The following STK11 variants were observed in gnomAD, a reference collection of about 807,000 sequenced individuals.
The protein encoded by STK11 is serine/threonine kinase 11.
A neutral mutation model predicts 47.3 loss-of-function variants in STK11; 8 were observed. The ratio of observed to expected loss-of-function variants is 0.17; its 90% CI spans 0.10 to 0.31. The LOEUF (loss-of-function observed/expected upper bound fraction) is 0.31, where lower values mean the gene tolerates loss of function less well. Among genes scored for constraint, STK11 ranks in the 10% least tolerant of loss-of-function variants. The pLI, the probability that STK11 is intolerant of heterozygous loss-of-function variation, is 1.00. For synonymous variants in STK11, 330 were observed against 255.8 expected (o/e 1.29, Z -2.77); for missense variants, 475 against 605.0 (o/e 0.79, Z 2.25).
At chr19:1,227,546 G>C (rs1173723016) in intron 9 of STK11, 47 bp from the exon 10 acceptor site, 1 of 1,062,520 alleles carries the variant, frequency 9.4e-7, no homozygotes. Flanking sequence ...GGGAGGCGGA[G>C]AACCGGTGCC....
In STK11 at chr19:1,212,401, A is replaced by G. The variant is rs570046015; in HGVS notation, c.290+5198A>G. On this transcript the variant is annotated intron_variant, in intron 1 of 9. Transcript: ENST00000326873. ...CTGCCCCCAAGGTAGCTGGGACTGC[A>G]GATGTGCACCACCACACCCGACTAG... Among the ~76,000 whole-genome samples, 134 of 148,142 alleles carry G rather than the reference A, an allele frequency of 9.0e-4. No homozygotes were observed. In the Middle Eastern group the frequency reaches 0.028, roughly 31 times the overall value.
At chr19:1,218,551 C>T (rs1599924704) in intron 2 of STK11, 51 bp downstream of exon 2, 2 of 1,530,638 alleles carry the variant, frequency 1.3e-6, no homozygotes, top group Non-Finnish European at 1.8e-6. Flanking sequence ...GGGGCTGGGG[C>T]CCTGGGTCCG....
In STK11 at chr19:1,226,658, C is replaced by T. The variant is rs553039153; in HGVS notation, c.*11C>T. Reference sequence around the variant, plus strand: ...TGCAAGCAGCAGTGAGGCTGGCCGCCTGCAGGTGGGGCGCGGCGGGGCCCG... The same window carrying T: ...TGCAAGCAGCAGTGAGGCTGGCCGCTTGCAGGTGGGGCGCGGCGGGGCCCG... On this transcript the variant is annotated 3_prime_UTR_variant, in exon 9 of 10. Transcript: ENST00000326873. The T allele has an allele frequency of 2.6e-5, 40 of 1,510,862 alleles. No homozygotes were observed. In the South Asian group the frequency reaches 4.4e-4, roughly 17 times the overall value. The allele number at this position is 1,510,862 out of a possible 1,614,324, so 93.6% of individuals were successfully genotyped here.
intron 1 of STK11, among the ~76,000 whole-genome samples, chr19:1,213,033 G>C (rs1185088617): frequency 8.6e-6 from 1 of 115,804 alleles, no homozygotes. Flanking sequence ...GTCTCGCTCT[G>C]TCACCCAGGC....
rs768711569 is a variant in STK11, at chr19:1,227,416, CCACA to C, written c.*17-174_*17-171del. The C allele has an allele frequency of 5.8e-4, 334 of 577,650 alleles. 1 individual carries two copies. The Middle Eastern group carries it at 7.2e-3, about 12-fold the overall frequency. 35.8% of individuals were successfully genotyped at this position (577,650 alleles called of 1,614,324 possible). ...GCCCGCCAGGCCCCACTGCAAAAGGCCACACAATGTACCCCGGGAGTGACTCAAG... is the reference window on the plus strand; with the variant it reads ...GCCCGCCAGGCCCCACTGCAAAAGGCCAATGTACCCCGGGAGTGACTCAAG... On this transcript the variant is annotated intron_variant, in intron 9 of 9. Coordinates refer to ENST00000326873, the MANE Select transcript of STK11 (RefSeq NM_000455.5).
intron 8 of STK11, chr19:1,224,929 C>G (rs868242236): frequency 3.0e-6 from 3 of 985,488 alleles, no homozygotes; most frequent in Non-Finnish European, 3.6e-6. Context: ...TGCAGAGCCC[C>G]CTTGCGTTGG....
rs775346785 is a variant in STK11 at position 1,206,930 on chromosome 19, C to G, written c.17C>G (p.Pro6Arg). The G allele has an allele frequency of 1.3e-6, 2 of 1,589,664 alleles. No homozygotes were observed. The highest frequency in any genetic ancestry group is 4.6e-5 in the East Asian group (2 of 43,542). MEVVD[P>R]QQLGMFTEGE... Reference sequence around the variant, plus strand: ...GGGTCCAGCATGGAGGTGGTGGACCCGCAGCAGCTGGGCATGTTCACGGAG... The same window carrying G: ...GGGTCCAGCATGGAGGTGGTGGACCGGCAGCAGCTGGGCATGTTCACGGAG... The change falls in exon 1 of 10, where the codon CCG becomes CGG. Residue 6 changes from proline (P) to arginine (R), a missense_variant. Physicochemically the swap from Pro to Arg is moderately radical, Grantham distance 103. Around this residue, in one of 5 missense-constraint regions of STK11, gnomAD observed 33 missense variants for 26.8 expected, o/e 1.23. Coordinates refer to ENST00000326873, the MANE Select transcript of STK11 (RefSeq NM_000455.5).
chr19:1,208,364 G>A (rs138246243), intron 1 of STK11, among the ~76,000 whole-genome samples: 7,818 of 148,116 alleles, frequency 0.053, 237 homozygotes, highest in East Asian at 0.14. Context: ...CTGGAGTGCA[G>A]TGGCGCGAAC....
At chr19:1,210,022 T>C (rs2080698638) in intron 1 of STK11, among the ~76,000 whole-genome samples, 1 of 152,158 alleles carries the variant, frequency 6.6e-6, no homozygotes, top group Admixed American at 6.5e-5. Flanking sequence ...GCTTTGCCCT[T>C]GCGGGGCCCC....
rs966820778 is a variant in STK11, at chr19:1,225,351, C to A, written c.1109-1103C>A. On this transcript the variant is annotated intron_variant, in intron 8 of 9. Transcript: ENST00000326873. ...GCTGTGGTGCGATCTCGGCTCACTGCAACCTCCACCTCCCGGATTCAAGCA... is the reference window on the plus strand; with the variant it reads ...GCTGTGGTGCGATCTCGGCTCACTGAAACCTCCACCTCCCGGATTCAAGCA... The A allele has an allele frequency of 4.4e-6, 4 of 919,030 alleles. No individual in the cohort carries two copies. The African/African-American group carries it at 7.2e-5, about 16-fold the overall frequency. 56.9% of individuals were successfully genotyped at this position (919,030 alleles called of 1,614,324 possible). A position where few individuals can be genotyped will look rare whatever the true frequency, so the allele number is the denominator to read the frequency against.
At chr19:1,219,093 C>T (rs377533809) in intron 2 of STK11, among the ~76,000 whole-genome samples, 33 of 152,200 alleles carry the variant, frequency 2.2e-4, no homozygotes, top group South Asian at 6.2e-4. Flanking sequence ...CCCGCAGGAA[C>T]GCTGCCCCAA....
intron 1 of STK11, among the ~76,000 whole-genome samples, chr19:1,208,410 C>T (rs1369792886): frequency 1.3e-5 from 2 of 148,722 alleles, no homozygotes; most frequent in Non-Finnish European, 3.0e-5. Context: ...CGGGTTCATG[C>T]CATTCTCCTG....
At chr19:1,224,041 G>A (rs2080804497) in intron 8 of STK11, 1 of 1,004,124 alleles carries the variant, frequency 1.0e-6, no homozygotes, top group Non-Finnish European at 1.2e-6. Flanking sequence ...GGGCCCGAGG[G>A]TCCCAGAATA....
At chr19:1,223,501 C>T (rs755059755) in intron 8 of STK11, 275 of 892,362 alleles carry the variant, frequency 3.1e-4, no homozygotes, top group Middle Eastern at 4.2e-4. Context: ...GCCCCAGGGT[C>T]GGGGGAGGGT....
At position 1,208,306 on chromosome 19, in the gene STK11, A is replaced by ATT. The variant is rs61525470; in HGVS notation, c.290+1121_290+1122dup. On this transcript the variant is annotated intron_variant, in intron 1 of 9. Transcript: ENST00000326873. ...CTCAGGGGCCCTGGGGCTCACGTAC[A>ATT]TTTTTTTTTTTTTTTTTTTGAGACG... is the stretch of plus-strand genomic sequence containing the variant. Among the ~76,000 whole-genome samples, 412 of 115,932 alleles carry ATT rather than the reference A, an allele frequency of 3.6e-3. 10 individuals carry two copies. Among genetic ancestry groups the ATT allele is most frequent in the East Asian group, 8.6e-3 (34 of 3,966 alleles). 76.1% of individuals were successfully genotyped at this position (115,932 alleles called of 152,430 possible). A position where few individuals can be genotyped will look rare whatever the true frequency, so the allele number is the denominator to read the frequency against.
intron 8 of STK11, chr19:1,225,003 G>T (rs1194107298): frequency 2.0e-6 from 2 of 985,314 alleles, no homozygotes; most frequent in South Asian, 4.7e-5. Flanking sequence ...CTGCTGCATC[G>T]GCCTCTGCGT....
Position 1,227,984 on chromosome 19 carries a change from C to T in STK11, c.*408C>T. On this transcript the variant is annotated 3_prime_UTR_variant, in exon 10 of 10. Transcript: ENST00000326873. ...TGTGGAGACCAGGCTCCTGACCCCG[C>T]CATGCATGCAGCGCCACCTGGAAGC... The T allele has an allele frequency of 9.4e-7, 1 of 1,068,728 alleles. No homozygotes were observed. The highest frequency in any genetic ancestry group is 1.1e-6 in the Non-Finnish European group (1 of 881,290). The allele number at this position is 1,068,728 out of a possible 1,614,324, so 66.2% of individuals were successfully genotyped here.
chr19:1,223,720 AGCCTCTCG>A (rs2080801993), intron 8 of STK11: 1 of 1,041,044 alleles, frequency 9.6e-7, no homozygotes, highest in South Asian at 4.6e-5. Flanking sequence ...CAGGAGAGGA[AGCCTCTCG>A]GCCGGCGCCG....
chr19:1,211,763 G>T (rs573887363), intron 1 of STK11, among the ~76,000 whole-genome samples: 5 of 152,380 alleles, frequency 3.3e-5, no homozygotes, highest in African/African-American at 9.6e-5. Context: ...CACCGCCCCC[G>T]CGGTGTCCAG....
Sources: allele counts gnomAD v4.1 joint callset (sites outside exome capture counted in the v4.1 genomes callset), GRCh38; gene constraint gnomAD v4.1.1; regional missense constraint gnomAD v4.1.1; transcripts MANE v1.5; gene names NCBI Gene and HGNC (gene_info 2026-07-23, HGNC 2026-07-21).